Variants in GALK2 observed in about 807,000 individuals in gnomAD.
GALK2 encodes the protein N-acetylgalactosamine kinase.
GALK2 carries 36 observed loss-of-function variants against 52.4 expected under a neutral mutation model. The observed-to-expected ratio is 0.69, with a 90% CI of 0.53 to 0.91. GALK2 has a LOEUF of 0.91. Among genes scored for constraint, GALK2 ranks in the 40% least tolerant of loss-of-function variants. The pLI, the probability that GALK2 is intolerant of heterozygous loss-of-function variation, is 0.00. For missense variants in GALK2, 579 were observed against 559.1 expected (o/e 1.04, Z -0.36); for synonymous variants, 176 against 199.1 (o/e 0.88, Z 0.98).
At chr15:49,183,278 T>G (rs1330800989) in intron 1 of GALK2, among the ~76,000 whole-genome samples, 1 of 152,178 alleles carries the variant, frequency 6.6e-6, no homozygotes, top group Non-Finnish European at 1.5e-5. Flanking sequence ...GTTTTTCTAC[T>G]TTTTTGACAT....
At chr15:49,188,650 G>C (rs2141250820) in intron 1 of GALK2, among the ~76,000 whole-genome samples, 1 of 152,312 alleles carries the variant, frequency 6.6e-6, no homozygotes, top group East Asian at 1.9e-4. Context: ...TGGATAGATA[G>C]TTGTTCAACT....
intron 3 of GALK2, among the ~76,000 whole-genome samples, chr15:49,221,463 T>G (rs1171283669): frequency 6.6e-6 from 1 of 151,934 alleles, no homozygotes; most frequent in Non-Finnish European, 1.5e-5. Flanking sequence ...GTCAGGAGTT[T>G]GAGACCAGCC....
intron 3 of GALK2, chr15:49,344,319 T>A (rs1158403033): frequency 6.6e-6 from 1 of 151,966 alleles, no homozygotes; most frequent in African/African-American, 2.4e-5. Flanking sequence ...AATGGTATGG[T>A]TGCTTTCTTT....
At chr15:49,185,992 A>G (rs933550622) in intron 1 of GALK2, among the ~76,000 whole-genome samples, 1 of 151,812 alleles carries the variant, frequency 6.6e-6, no homozygotes, top group Non-Finnish European at 1.5e-5. Flanking sequence ...GAGCTCCTTT[A>G]TATGTTACTG....
chr15:49,273,970 AG>A (rs1273169927), intron 5 of GALK2, among the ~76,000 whole-genome samples: 2 of 152,300 alleles, frequency 1.3e-5, no homozygotes, highest in East Asian at 3.9e-4. Context: ...GGGGACACCC[AG>A]GACTAGTTGT....
At position 49,299,762 on chromosome 15, in the gene GALK2, T is replaced by TC. The variant is rs1567037540; in HGVS notation, c.967+7226dup. Among the ~76,000 whole-genome samples the TC allele has an allele frequency of 1.7e-3, 242 of 142,254 alleles. 2 individuals are homozygous for TC. The highest frequency in any genetic ancestry group is 4.9e-3 in the African/African-American group (179 of 36,558). 93.3% of individuals were successfully genotyped at this position (142,254 alleles called of 152,430 possible). A position where few individuals can be genotyped will look rare whatever the true frequency, so the allele number is the denominator to read the frequency against. On this transcript the variant is annotated intron_variant, in intron 8 of 9. Transcript: ENST00000560031. ...TTCTTTCTTTCTTTCTTTCTTTCTT[T>TC]CTTTCTTTCTTTCTTTCTTTCTTTC...
At chr15:49,367,369 CAATT>C (rs2045383132) in intron 3 of GALK2, 10 of 1,236,450 alleles carry the variant, frequency 8.1e-6, no homozygotes, top group Non-Finnish European at 1.1e-5. Flanking sequence ...ATTTGTTTCT[CAATT>C]GAGACATTCA....
chr15:49,229,932 C>T (rs1566959461), intron 3 of GALK2, among the ~76,000 whole-genome samples: 1 of 152,082 alleles, frequency 6.6e-6, no homozygotes, highest in Non-Finnish European at 1.5e-5. Flanking sequence ...CATGGTTTGG[C>T]CTCAGCAGTG....
intron 1 of GALK2, chr15:49,198,871 CT>C (rs1285097506): frequency 2.1e-5 from 3 of 140,752 alleles, no homozygotes; most frequent in African/African-American, 7.9e-5. Flanking sequence ...CCCTTCCTTC[CT>C]TCCTCTTTCA....
chr15:49,329,253 G>A lies in GALK2; in HGVS notation c.*1094G>A. ...TATCTCTGTATGTATATCAAGAGTG[G>A]GCAGAAATGTTTGGCTGGTGATGGC... On this transcript the variant is annotated 3_prime_UTR_variant, in exon 10 of 10. Coordinates refer to ENST00000560031, the MANE Select transcript of GALK2 (RefSeq NM_002044.4). 1.0e-6 allele frequency: 1 copy of A among 985,370 alleles called. No individual in the cohort carries two copies. The highest frequency in any genetic ancestry group is 1.2e-6 in the Non-Finnish European group (1 of 829,954). 61.0% of individuals were successfully genotyped at this position (985,370 alleles called of 1,614,324 possible). A position where few individuals can be genotyped will look rare whatever the true frequency, so the allele number is the denominator to read the frequency against.
At chr15:49,224,760 G>T (rs1215445744) in intron 3 of GALK2, among the ~76,000 whole-genome samples, 2 of 152,146 alleles carry the variant, frequency 1.3e-5, no homozygotes, top group Non-Finnish European at 2.9e-5. Context: ...TTGAAGTTGG[G>T]TAATGTGATA....
In GALK2 at chr15:49,253,208, G is replaced by A. The variant is rs148706847; in HGVS notation, c.504+13841G>A. On this transcript the variant is annotated intron_variant, in intron 5 of 9. Coordinates refer to ENST00000560031, the MANE Select transcript of GALK2 (RefSeq NM_002044.4). ...GTGCATTCAATTTTATCTTCCTTGA[G>A]TTGAAAATACTCTATAATCTCTCAT... is the stretch of plus-strand genomic sequence containing the variant. 2.6e-4 allele frequency among the ~76,000 whole-genome samples: 37 copies of A among 144,462 alleles called. 6 individuals carry two copies. The highest frequency in any genetic ancestry group is 8.2e-4 in the African/African-American group (33 of 40,338). The allele number at this position is 144,462 out of a possible 152,430, so 94.8% of individuals were successfully genotyped here.
chr15:49,321,133 T>A (rs1332809525), intron 9 of GALK2, among the ~76,000 whole-genome samples: 2 of 152,210 alleles, frequency 1.3e-5, no homozygotes, highest in East Asian at 3.8e-4. Context: ...GAATAGAGAC[T>A]ACAGGTTTGG....
At chr15:49,333,414 A>C (rs1167711345), downstream of GALK2, among the ~76,000 whole-genome samples, 2 of 152,192 alleles carry the variant, frequency 1.3e-5, no homozygotes, top group Non-Finnish European at 2.9e-5. Context: ...ATATTTGAAT[A>C]CTTCTTGTGA....
At chr15:49,304,157 A>G (rs372931382) in intron 8 of GALK2, among the ~76,000 whole-genome samples, 2 of 151,968 alleles carry the variant, frequency 1.3e-5, no homozygotes, top group African/African-American at 2.4e-5. Context: ...TTGCCATCCT[A>G]TTTTCCTTTT....
chr15:49,186,384 A>G (rs2086341121), intron 1 of GALK2, among the ~76,000 whole-genome samples: 1 of 152,024 alleles, frequency 6.6e-6, no homozygotes, highest in Non-Finnish European at 1.5e-5. Flanking sequence ...CTACTTGATC[A>G]ATTCTGCTAT....
upstream of GALK2, among the ~76,000 whole-genome samples, chr15:49,166,251 G>A (rs189430184): frequency 7.9e-5 from 12 of 152,146 alleles, no homozygotes; most frequent in Admixed American, 5.9e-4. Flanking sequence ...TAGAGTCTTC[G>A]TTTTGTTTTG....
chr15:49,246,565 G>T (rs1290843154), intron 5 of GALK2, among the ~76,000 whole-genome samples: 3 of 152,124 alleles, frequency 2.0e-5, no homozygotes, highest in African/African-American at 7.2e-5. Flanking sequence ...GAGCCAGCTG[G>T]GAATAGTGGG....
At chr15:49,292,966 G>A (rs2034091349) in intron 8 of GALK2, among the ~76,000 whole-genome samples, 1 of 152,156 alleles carries the variant, frequency 6.6e-6, no homozygotes, top group African/African-American at 2.4e-5. Context: ...ATTTCTATTT[G>A]TGGTCTGCTT....
Sources: gnomAD v4.1 joint callset for allele counts (sites outside exome capture counted in the v4.1 genomes callset) on GRCh38, gnomAD v4.1.1 for gene constraint, MANE v1.5 for transcripts, NCBI Gene and HGNC (gene_info 2026-07-23, HGNC 2026-07-21) for gene names.